Variants in ZAP70 observed in about 807,000 individuals in gnomAD.
ZAP70 encodes tyrosine-protein kinase ZAP-70.
In ZAP70, 27 loss-of-function variants were observed where a neutral mutation model predicts 65.8. That is an observed-to-expected ratio of 0.41 (90% CI 0.30 to 0.57). The LOEUF (loss-of-function observed/expected upper bound fraction) is 0.57, where lower values mean the gene tolerates loss of function less well. Among genes scored for constraint, ZAP70 ranks in the 20% least tolerant of loss-of-function variants. The pLI, the probability that ZAP70 is intolerant of heterozygous loss-of-function variation, is 0.28. For synonymous variants in ZAP70, 363 were observed against 360.8 expected, an observed-to-expected ratio of 1.01 and a Z score of -0.07; for missense variants, 696 against 870.5, an observed-to-expected ratio of 0.80 and a Z score of 2.52.
intron 8 of ZAP70, 28 bp from the exon 9 acceptor site, chr2:97,734,492 C>A (rs374461803): frequency 6.2e-7 from 1 of 1,605,856 alleles, no homozygotes; most frequent in Non-Finnish European, 8.5e-7. Context: ...TGCCCCTGAC[C>A]TGGGAGTGTA....
At chr2:97,728,021 A>G (rs1000855687) in intron 4 of ZAP70, among the ~76,000 whole-genome samples, 29 of 152,196 alleles carry the variant, frequency 1.9e-4, no homozygotes, top group African/African-American at 6.3e-4. Flanking sequence ...GAATGACGAC[A>G]GCCGCTCAGC....
chr2:97,733,979 A>C, intron 8 of ZAP70: 1 of 344,730 alleles, frequency 2.9e-6, no homozygotes. Context: ...GGGTCTGTCT[A>C]TGGGGATGTG....
At chr2:97,722,376 C>T (rs1209746612) in intron 2 of ZAP70, among the ~76,000 whole-genome samples, 3 of 152,214 alleles carry the variant, frequency 2.0e-5, no homozygotes, top group African/African-American at 4.8e-5. Flanking sequence ...CCGTTGCACT[C>T]GGCCTCACAT....
At chr2:97,740,225 C>G (rs1368361533), downstream of ZAP70, among the ~76,000 whole-genome samples, 3 of 152,100 alleles carry the variant, frequency 2.0e-5, no homozygotes, top group East Asian at 1.9e-4. Flanking sequence ...CCCAGGGGTG[C>G]CTTGCAAATC....
At chr2:97,718,383 C>A (rs1268816941) in intron 2 of ZAP70, among the ~76,000 whole-genome samples, 1 of 152,226 alleles carries the variant, frequency 6.6e-6, no homozygotes, top group Non-Finnish European at 1.5e-5. Flanking sequence ...TTCATCTCTG[C>A]CACCTCTGCC....
chr2:97,733,471 C>T (rs1677706405), intron 7 of ZAP70, 73 bp from the exon 8 acceptor site: 9 of 1,607,066 alleles, frequency 5.6e-6, no homozygotes, highest in Non-Finnish European at 6.8e-6. Flanking sequence ...TCTGGGAGTC[C>T]TCAGTGGATA....
At chr2:97,752,602 G>C in the ZAP70 span, among the ~76,000 whole-genome samples, 81 of 152,282 alleles carry the variant, frequency 5.3e-4, no homozygotes, top group African/African-American at 1.9e-3. Flanking sequence ...CTGCCATTAG[G>C]ATCTGAGTCT....
At chr2:97,742,598 T>C (rs1678158493), downstream of ZAP70, among the ~76,000 whole-genome samples, 1 of 152,268 alleles carries the variant, frequency 6.6e-6, no homozygotes. Context: ...TCTTCTCTGT[T>C]GGAGGCTGGG....
rs777273862 is a variant in ZAP70, at chr2:97,735,362, G to C, written c.1195G>C (p.Val399Leu). 4 of 1,614,020 alleles carry C rather than the reference G, an allele frequency of 2.5e-6. No individual in the cohort carries two copies. The highest frequency in any genetic ancestry group is 2.5e-6 in the Non-Finnish European group (3 of 1,179,996). The change falls in exon 10 of 14, where the codon GTG becomes CTG. Residue 399 changes from valine to leucine, a missense_variant. Coordinates refer to ENST00000264972, the MANE Select transcript of ZAP70 (RefSeq NM_001079.4). ...GCACCAGCTGGACAACCCCTACATC[G>C]TGCGGCTCATTGGCGTCTGCCAGGC... ...IMHQLDNPYI[V>L]RLIGVCQAEA...
rs1245446223 is a variant in ZAP70 at position 97,731,445 on chromosome 2, TG to T, written c.564-1436del. 3.3e-5 allele frequency among the ~76,000 whole-genome samples: 5 copies of T among 152,296 alleles called. No individual in the cohort carries two copies. Among genetic ancestry groups the T allele is most frequent in the African/African-American group, 1.2e-4 (5 of 41,562 alleles). On this transcript the variant is annotated intron_variant, in intron 4 of 13. Transcript: ENST00000264972. The surrounding 1 kb of genome is among the most constrained non-coding windows in gnomAD (Gnocchi z 4.0). ...TGTGGGATGTTTGTTTCCTAATTTG[TG>T]GTGGGTTCTCTTCCTTGCCCTTTTG...
rs925989299 is a variant in ZAP70, at chr2:97,734,845, C to A, written c.1082+133C>A. 6 of 1,220,006 alleles carry A rather than the reference C, an allele frequency of 4.9e-6. No individual in the cohort carries two copies. In the Admixed American group the frequency reaches 7.9e-5, roughly 16 times the overall value. The allele number at this position is 1,220,006 out of a possible 1,614,324, so 75.6% of individuals were successfully genotyped here. On this transcript the variant is annotated intron_variant, in intron 9 of 13. Transcript: ENST00000264972. ...CTGGGAAACAGACTCTGGGGCAGGACGTTGCACGCTGGAGGATTCCCTGAG... is the reference window on the plus strand; with the variant it reads ...CTGGGAAACAGACTCTGGGGCAGGAAGTTGCACGCTGGAGGATTCCCTGAG...
rs886056486 is a variant in ZAP70 at position 97,739,659 on chromosome 2, G to A, written c.*161G>A. The A allele has an allele frequency of 1.5e-5, 17 of 1,163,484 alleles. No individual in the cohort carries two copies. Among genetic ancestry groups the A allele is most frequent in the Middle Eastern group, 5.7e-4 (2 of 3,498 alleles). 72.1% of individuals were successfully genotyped at this position (1,163,484 alleles called of 1,614,324 possible). A position where few individuals can be genotyped will look rare whatever the true frequency, so the allele number is the denominator to read the frequency against. ...ACACCGGCCTTGCATTGCCTGCCTGGCCCCCTGTCCTCTCTGGCTGGGGAG... is the reference window on the plus strand; with the variant it reads ...ACACCGGCCTTGCATTGCCTGCCTGACCCCCTGTCCTCTCTGGCTGGGGAG... On this transcript the variant is annotated 3_prime_UTR_variant, in exon 14 of 14. Coordinates refer to ENST00000264972, the MANE Select transcript of ZAP70 (RefSeq NM_001079.4).
At position 97,733,133 on chromosome 2, in the gene ZAP70, G is replaced by A; in HGVS notation, c.711G>A (p.Glu237=). 1 of 1,614,034 alleles carries A rather than the reference G, an allele frequency of 6.2e-7. No individual in the cohort carries two copies. Among genetic ancestry groups the A allele is most frequent in the Non-Finnish European group, 8.5e-7 (1 of 1,180,026 alleles). The change falls in exon 6 of 14, where the codon GAG becomes GAA. Residue 237 remains glutamate, a synonymous_variant. Coordinates refer to ENST00000264972, the MANE Select transcript of ZAP70 (RefSeq NM_001079.4). ...TKFDTLWQLV[E]YLKLKADGLI... ...CTGCCTGCTCCCTGCAGCTGGTGGA[G>A]TATCTGAAGCTGAAGGCGGACGGGC... is the stretch of plus-strand genomic sequence containing the variant.
In ZAP70 at chr2:97,738,059, A is replaced by T. The variant is rs1677982132; in HGVS notation, c.1688A>T (p.Glu563Val). The change falls in exon 13 of 14, where the codon GAG becomes GTG. Residue 563 changes from glutamate (E) to valine (V), a missense_variant. Glu to Val is a moderately radical substitution (Grantham distance 121). Around this residue, in one of 3 missense-constraint regions of ZAP70, gnomAD observed 78 missense variants for 88.6 expected, o/e 0.88. Transcript: ENST00000264972. ...EQGKRMECPPECPPELYALMS... is the reference protein window; with the variant it reads ...EQGKRMECPPVCPPELYALMS... Reference sequence around the variant, plus strand: ...GGCAAGCGGATGGAGTGCCCACCAGAGTGTCCACCCGAACTGTACGCACTC... The same window carrying T: ...GGCAAGCGGATGGAGTGCCCACCAGTGTGTCCACCCGAACTGTACGCACTC... 20 of 1,611,764 alleles carry T rather than the reference A, an allele frequency of 1.2e-5. No individual in the cohort carries two copies. Among genetic ancestry groups the T allele is most frequent in the Non-Finnish European group, 1.6e-5 (19 of 1,178,868 alleles).
chr2:97,721,759 C>T (rs938865330), intron 2 of ZAP70, among the ~76,000 whole-genome samples: 1 of 150,556 alleles, frequency 6.6e-6, no homozygotes, highest in Non-Finnish European at 1.5e-5. Context: ...TTTGGTGGTG[C>T]CACATATTTT....
chr2:97,749,538 C>T, the ZAP70 span, among the ~76,000 whole-genome samples: 2 of 152,134 alleles, frequency 1.3e-5, no homozygotes, highest in South Asian at 2.1e-4. Flanking sequence ...TAGGAGCATG[C>T]ATTCTGCAGA....
downstream of ZAP70, among the ~76,000 whole-genome samples, chr2:97,741,961 T>C (rs1261512627): frequency 3.3e-5 from 5 of 152,140 alleles, no homozygotes; most frequent in African/African-American, 9.7e-5. Context: ...GGGCTTCCTG[T>C]AGGAGGGAAC....
At chr2:97,718,238 A>G (rs1008179203) in intron 2 of ZAP70, among the ~76,000 whole-genome samples, 2 of 152,130 alleles carry the variant, frequency 1.3e-5, no homozygotes, top group Admixed American at 6.5e-5. Flanking sequence ...GACACAGCTG[A>G]GAACAGAAAC....
rs779049635 is a variant in ZAP70, at chr2:97,724,198, G to A, written c.162G>A (p.Val54=). 1.3e-6 allele frequency: 2 copies of A among 1,599,548 alleles called. No individual in the cohort carries two copies. The highest frequency in any genetic ancestry group is 2.2e-5 in the East Asian group (1 of 44,484). Reference sequence around the variant, plus strand: ...ATGTGCTGTCGCTCGTGCACGATGTGCGCTTCCACCACTTTCCCATCGAGC... The same window carrying A: ...ATGTGCTGTCGCTCGTGCACGATGTACGCTTCCACCACTTTCCCATCGAGC... ...GGYVLSLVHD[V]RFHHFPIERQ... Residue 54 remains valine (V), a synonymous_variant, in exon 3 of 14, where the codon GTG becomes GTA. Coordinates refer to ENST00000264972, the MANE Select transcript of ZAP70 (RefSeq NM_001079.4).
Sources: gnomAD v4.1 joint callset for allele counts (sites outside exome capture counted in the v4.1 genomes callset) on GRCh38, gnomAD v4.1.1 for gene constraint, gnomAD v4.1.1 regional missense constraint, Gnocchi (gnomAD v3.1) non-coding constraint, MANE v1.5 for transcripts, NCBI Gene and HGNC (gene_info 2026-07-23, HGNC 2026-07-21) for gene names.